The following GRM1 variants were observed in gnomAD, a reference collection of about 807,000 sequenced individuals.
GRM1 encodes the protein metabotropic glutamate receptor 1.
A neutral mutation model predicts 90.9 loss-of-function variants in GRM1; 33 were observed. The ratio of observed to expected loss-of-function variants is 0.36; its 90% confidence interval spans 0.28 to 0.49. GRM1 has a LOEUF of 0.49. GRM1 is among the 20% of genes least tolerant of loss of function. The pLI, the probability that GRM1 is intolerant of heterozygous loss-of-function variation, is 0.99. For synonymous variants in GRM1, 700 were observed against 613.2 expected, an observed-to-expected ratio of 1.14 and a Z score of -2.09; for missense variants, 1,190 against 1,534.3, an observed-to-expected ratio of 0.78 and a Z score of 3.75.
At chr6:146,284,730 T>A (rs1272696458) in intron 2 of GRM1, among the ~76,000 whole-genome samples, 1 of 152,204 alleles carries the variant, frequency 6.6e-6, no homozygotes, top group African/African-American at 2.4e-5. Flanking sequence ...CATGCATTGC[T>A]TCTTCTTCAC....
At chr6:146,095,346 T>G (rs1776842690) in intron 1 of GRM1, among the ~76,000 whole-genome samples, 1 of 152,164 alleles carries the variant, frequency 6.6e-6, no homozygotes, top group African/African-American at 2.4e-5. Flanking sequence ...CCAACATATC[T>G]GTGCTCATTT....
chr6:146,386,714 A>G lies in GRM1; in HGVS notation c.1603-176A>G, dbSNP rs1045667371. Among the ~76,000 whole-genome samples, 8 of 152,090 alleles carry G rather than the reference A, an allele frequency of 5.3e-5. No homozygotes were observed. The South Asian group carries it at 1.0e-3, about 20-fold the overall frequency. On this transcript the variant is annotated intron_variant, in intron 5 of 7. Transcript: ENST00000282753. ...GGAATGAATTGACAATTCCATCCAA[A>G]CTCTAAGGTAATCAAATATATACAA...
chr6:146,349,390 T>G (rs1785311471), intron 3 of GRM1, among the ~76,000 whole-genome samples: 1 of 152,050 alleles, frequency 6.6e-6, no homozygotes, highest in Non-Finnish European at 1.5e-5. Flanking sequence ...CGTATTAGTA[T>G]TATTGTAGAT....
chr6:146,219,699 G>A (rs578002072), intron 2 of GRM1, among the ~76,000 whole-genome samples: 2 of 151,906 alleles, frequency 1.3e-5, no homozygotes, highest in South Asian at 2.1e-4. Flanking sequence ...ATATGTATTG[G>A]GTAAATATAT....
intron 2 of GRM1, among the ~76,000 whole-genome samples, chr6:146,248,453 A>C (rs1345292944): frequency 6.6e-6 from 1 of 152,198 alleles, no homozygotes; most frequent in South Asian, 2.1e-4. Flanking sequence ...AGTTCTCATG[A>C]GATCTGGTTA....
chr6:146,285,994 A>T (rs916766259), intron 2 of GRM1, among the ~76,000 whole-genome samples: 2 of 152,164 alleles, frequency 1.3e-5, no homozygotes, highest in African/African-American at 4.8e-5. Flanking sequence ...TGGAGTTGAA[A>T]CTTAGCTTCT....
intron 2 of GRM1, among the ~76,000 whole-genome samples, chr6:146,234,902 C>T (rs942547760): frequency 2.6e-5 from 4 of 151,994 alleles, no homozygotes; most frequent in East Asian, 1.9e-4. Flanking sequence ...GCCACCACGC[C>T]GGACTAATTT....
Position 146,173,933 on chromosome 6 carries a change from G to C in GRM1, c.950+14336G>C, listed in dbSNP as rs1778240438. ...CGCTTCCCAAAGTGCTAGGATTACAGGTGTGAGCCACCGCACCTGGCTCTT... is the reference window on the plus strand; with the variant it reads ...CGCTTCCCAAAGTGCTAGGATTACACGTGTGAGCCACCGCACCTGGCTCTT... On this transcript the variant is annotated intron_variant, in intron 2 of 7. Coordinates refer to ENST00000282753, the MANE Select transcript of GRM1 (RefSeq NM_001278064.2). 2.0e-5 allele frequency among the ~76,000 whole-genome samples: 3 copies of C among 152,090 alleles called. No homozygotes were observed. The South Asian group carries it at 6.2e-4, about 32-fold the overall frequency.
At chr6:146,333,124 T>C (rs1015705521) in intron 3 of GRM1, among the ~76,000 whole-genome samples, 2 of 152,212 alleles carry the variant, frequency 1.3e-5, no homozygotes, top group Non-Finnish European at 2.9e-5. Flanking sequence ...TAGTTAAAAA[T>C]ATATTTGACC....
At chr6:146,395,477 T>C (rs1237851862) in intron 6 of GRM1, among the ~76,000 whole-genome samples, 1 of 152,160 alleles carries the variant, frequency 6.6e-6, no homozygotes, top group Non-Finnish European at 1.5e-5. Flanking sequence ...TTTTCTTTTT[T>C]AAATGTTACA....
At chr6:146,302,606 G>A (rs1236144052) in intron 2 of GRM1, among the ~76,000 whole-genome samples, 1 of 151,272 alleles carries the variant, frequency 6.6e-6, no homozygotes, top group Non-Finnish European at 1.5e-5. Context: ...GCCTAGGCTG[G>A]TCTCAAATTC....
At chr6:146,321,649 T>G (rs1784193645) in intron 3 of GRM1, among the ~76,000 whole-genome samples, 1 of 152,180 alleles carries the variant, frequency 6.6e-6, no homozygotes, top group Non-Finnish European at 1.5e-5. Flanking sequence ...ATCTCGGTGC[T>G]CCTGTATTGG....
At chr6:146,136,569 T>A (rs1776628520) in intron 1 of GRM1, among the ~76,000 whole-genome samples, 1 of 152,214 alleles carries the variant, frequency 6.6e-6, no homozygotes, top group Non-Finnish European at 1.5e-5. Context: ...TATTTGTATG[T>A]CTTCTTTTGA....
At chr6:146,235,666 T>C (rs1194457240) in intron 2 of GRM1, among the ~76,000 whole-genome samples, 3 of 151,324 alleles carry the variant, frequency 2.0e-5, no homozygotes, top group Non-Finnish European at 2.9e-5. Flanking sequence ...TTCAGTCTAA[T>C]GATGAGCCAT....
intron 1 of GRM1, among the ~76,000 whole-genome samples, chr6:146,129,955 T>A (rs964096193): frequency 1.3e-5 from 2 of 152,086 alleles, no homozygotes; most frequent in African/African-American, 4.8e-5. Context: ...GAGCACCATT[T>A]TGCAACTAGA....
intron 5 of GRM1, among the ~76,000 whole-genome samples, chr6:146,361,590 A>C (rs775529023): frequency 6.6e-6 from 1 of 152,230 alleles, no homozygotes; most frequent in Non-Finnish European, 1.5e-5. Context: ...TATGTTCATA[A>C]GCAAGTACAA....
rs1777341858 is a variant in GRM1, at chr6:146,406,185, G to A, written c.2660+6486G>A. Among the ~76,000 whole-genome samples, 4 of 152,170 alleles carry A rather than the reference G, an allele frequency of 2.6e-5. No individual in the cohort carries two copies. In the South Asian group the frequency reaches 8.3e-4, roughly 31 times the overall value. On this transcript the variant is annotated intron_variant, in intron 7 of 7. Coordinates refer to ENST00000282753, the MANE Select transcript of GRM1 (RefSeq NM_001278064.2). ...GGTGTGTGCCGGGAGGCCTGGCCGA[G>A]AGCTAGGCTGTTAGCAGAGCCATCT... is the stretch of plus-strand genomic sequence containing the variant.
In GRM1 at chr6:146,290,266, A is replaced by G. The variant is rs996649755; in HGVS notation, c.951-14345A>G. ...ACCAAAAATAGAGATCAGATTATCT[A>G]GGAAAGATCCATGGACGCAACTCTT... is the stretch of plus-strand genomic sequence containing the variant. On this transcript the variant is annotated intron_variant, in intron 2 of 7. Transcript: ENST00000282753. 4.6e-5 allele frequency among the ~76,000 whole-genome samples: 7 copies of G among 152,172 alleles called. No homozygotes were observed. The East Asian group carries it at 1.4e-3, about 29-fold the overall frequency.
chr6:146,420,789 C>G (rs1415356029), intron 7 of GRM1, among the ~76,000 whole-genome samples: 1 of 152,070 alleles, frequency 6.6e-6, no homozygotes, highest in Non-Finnish European at 1.5e-5. Flanking sequence ...AACTCTATCT[C>G]AGAGAAACTA....
Sources: gnomAD v4.1 joint callset for allele counts (sites outside exome capture counted in the v4.1 genomes callset) on GRCh38, gnomAD v4.1.1 for gene constraint, MANE v1.5 for transcripts, NCBI Gene and HGNC (gene_info 2026-07-23, HGNC 2026-07-21) for gene names.